CSMD3: variants seen among roughly 807,000 people sequenced by gnomAD.
CSMD3 encodes CUB and sushi domain-containing protein 3.
In CSMD3, 177 loss-of-function variants were observed where a neutral mutation model predicts 435.2. The observed-to-expected ratio is 0.41, with a 90% CI of 0.36 to 0.46. The LOEUF is 0.46. Among genes scored for constraint, CSMD3 ranks in the 20% least tolerant of loss-of-function variants. CSMD3 has a pLI of 0.34. For synonymous variants in CSMD3, 1,656 were observed against 1,520.5 expected, an observed-to-expected ratio of 1.09 and a Z score of -2.07; for missense variants, 4,265 against 4,504.6, an observed-to-expected ratio of 0.95 and a Z score of 1.52.
At chr8:112,999,483 T>C (rs1257034872) in intron 6 of CSMD3, among the ~76,000 whole-genome samples, 1 of 151,726 alleles carries the variant, frequency 6.6e-6, no homozygotes, top group African/African-American at 2.4e-5. Flanking sequence ...TAGTAAACCA[T>C]GTAAGTAAAT....
chr8:112,561,306 T>C (rs1309485959), intron 24 of CSMD3, among the ~76,000 whole-genome samples: 2 of 151,658 alleles, frequency 1.3e-5, no homozygotes, highest in African/African-American at 4.8e-5. Context: ...TTTTATACGC[T>C]GGTGAAATGA....
chr8:113,277,876 AT>A (rs34531949), intron 3 of CSMD3, among the ~76,000 whole-genome samples: 1 of 151,490 alleles, frequency 6.6e-6, no homozygotes, highest in African/African-American at 2.4e-5. Context: ...TTGCTAGCAC[AT>A]TTTTTAAAAA....
chr8:113,112,332 G>C (rs2090667617), intron 4 of CSMD3, among the ~76,000 whole-genome samples: 1 of 142,442 alleles, frequency 7.0e-6, no homozygotes, highest in African/African-American at 2.6e-5. Flanking sequence ...AATGACTTTG[G>C]TCTGCAACCA....
intron 38 of CSMD3, among the ~76,000 whole-genome samples, chr8:112,357,935 T>G (rs539733873): frequency 8.6e-4 from 131 of 152,180 alleles, no homozygotes; most frequent in African/African-American, 3.1e-3. Context: ...AAGGCCACCA[T>G]CCTCCAGACC....
intron 22 of CSMD3, among the ~76,000 whole-genome samples, chr8:112,620,486 G>A (rs1275726820): frequency 1.3e-5 from 2 of 152,090 alleles, no homozygotes; most frequent in African/African-American, 4.8e-5. Context: ...AGAACCAGTA[G>A]GCCATGGCTT....
intron 10 of CSMD3, among the ~76,000 whole-genome samples, chr8:112,898,576 A>G (rs1238189034): frequency 6.6e-6 from 1 of 151,204 alleles, no homozygotes; most frequent in Non-Finnish European, 1.5e-5. Flanking sequence ...AAATGTATAA[A>G]CTTAATAGTA....
At chr8:112,820,427 T>A (rs973991988) in intron 12 of CSMD3, among the ~76,000 whole-genome samples, 9 of 152,110 alleles carry the variant, frequency 5.9e-5, no homozygotes, top group African/African-American at 2.2e-4. Context: ...ACCAGTGCCC[T>A]CTTTTTGAGT....
At chr8:113,389,914 T>C (rs1513516) in intron 1 of CSMD3, among the ~76,000 whole-genome samples, 69,590 of 151,278 alleles carry the variant, frequency 0.46, 16,333 homozygotes, top group African/African-American at 0.53. Flanking sequence ...TATATAGCAT[T>C]TAGCATAGTG....
chr8:112,825,085 C>T (rs1407998235), intron 12 of CSMD3, among the ~76,000 whole-genome samples: 2 of 152,110 alleles, frequency 1.3e-5, no homozygotes, highest in Non-Finnish European at 2.9e-5. Context: ...CTGTCTTCCA[C>T]TTGGTCAATT....
At chr8:112,756,400 T>C (rs2077699861) in intron 13 of CSMD3, among the ~76,000 whole-genome samples, 1 of 152,162 alleles carries the variant, frequency 6.6e-6, no homozygotes, top group African/African-American at 2.4e-5. Flanking sequence ...AGTAGCTCCT[T>C]ACCTAAAGGA....
At chr8:113,085,217 A>T (rs2089716246) in intron 5 of CSMD3, among the ~76,000 whole-genome samples, 1 of 150,548 alleles carries the variant, frequency 6.6e-6, no homozygotes, top group Non-Finnish European at 1.5e-5. Context: ...TTCAGAATAT[A>T]CAAAAAATTC....
chr8:113,412,437 G>A (rs902743060), intron 1 of CSMD3, among the ~76,000 whole-genome samples: 6 of 152,050 alleles, frequency 3.9e-5, no homozygotes, highest in East Asian at 1.9e-4. Flanking sequence ...ACAACAACAC[G>A]TAGGCAAGGC....
chr8:112,558,159 T>C (rs1214799701), intron 24 of CSMD3, among the ~76,000 whole-genome samples: 2 of 151,830 alleles, frequency 1.3e-5, no homozygotes, highest in African/African-American at 4.8e-5. Context: ...TCTTCTGCCC[T>C]TCTGCCACTT....
At chr8:112,797,657 C>A (rs1334989782) in intron 13 of CSMD3, among the ~76,000 whole-genome samples, 2 of 151,702 alleles carry the variant, frequency 1.3e-5, no homozygotes, top group Non-Finnish European at 3.0e-5. Context: ...GCAGGTGTTC[C>A]ATTTAGAACC....
At chr8:113,099,255 G>T (rs2090261783) in intron 4 of CSMD3, among the ~76,000 whole-genome samples, 1 of 151,940 alleles carries the variant, frequency 6.6e-6, no homozygotes, top group African/African-American at 2.4e-5. Context: ...ATAGAATCAA[G>T]ATTTTATTTT....
Position 112,814,344 on chromosome 8 carries a change from C to G in CSMD3, c.1860-14070G>C, listed in dbSNP as rs183710409. On this transcript the variant is annotated intron_variant, in intron 12 of 70. Transcript: ENST00000297405. ...GGGTGTGTTCAGGTGTGCTTACATT[C>G]CTGGTCTTCTCTCTTATAATGTTTA... 2.0e-5 allele frequency among the ~76,000 whole-genome samples: 3 copies of G among 152,266 alleles called. No homozygotes were observed. In the East Asian group the frequency reaches 5.8e-4, roughly 29 times the overall value.
chr8:113,279,787 T>C (rs117396369), intron 2 of CSMD3, among the ~76,000 whole-genome samples: 7 of 151,952 alleles, frequency 4.6e-5, no homozygotes, highest in Non-Finnish European at 8.9e-5. Context: ...AACTCAGTTA[T>C]GAGTCTAATT....
intron 27 of CSMD3, among the ~76,000 whole-genome samples, chr8:112,536,961 T>C (rs1445496287): frequency 2.6e-5 from 4 of 151,882 alleles, no homozygotes; most frequent in Non-Finnish European, 2.9e-5. Flanking sequence ...TAGGTGGGAA[T>C]TGAACAATGA....
chr8:112,657,580 T>C (rs1015854334), intron 17 of CSMD3, among the ~76,000 whole-genome samples: 8 of 152,156 alleles, frequency 5.3e-5, no homozygotes, highest in Non-Finnish European at 1.2e-4. Context: ...TTTAAAAAAA[T>C]AGCATTTTGT....
Sources: allele counts gnomAD v4.1 joint callset (sites outside exome capture counted in the v4.1 genomes callset), GRCh38; gene constraint gnomAD v4.1.1; transcripts MANE v1.5; gene names NCBI Gene and HGNC (gene_info 2026-07-23, HGNC 2026-07-21).